The following ATRN variants were observed in gnomAD, a reference collection of about 807,000 sequenced individuals.
The protein encoded by ATRN is attractin-2.
A neutral mutation model predicts 178.7 loss-of-function variants in ATRN; 54 were observed. The ratio of observed to expected loss-of-function variants is 0.30; its 90% CI spans 0.24 to 0.38. ATRN has a LOEUF of 0.38. ATRN is among the 10% of genes least tolerant of loss of function. ATRN has a pLI of 1.00. For missense variants in ATRN, 1,443 were observed against 1,815.1 expected (o/e 0.79, Z 3.73); for synonymous variants, 636 against 663.0 (o/e 0.96, Z 0.63).
At chr20:3,476,146 A>C (rs1050312223) in intron 1 of ATRN, among the ~76,000 whole-genome samples, 1 of 152,216 alleles carries the variant, frequency 6.6e-6, no homozygotes, top group African/African-American at 2.4e-5. Flanking sequence ...CCCTTGTCAC[A>C]AAAAAACAAA....
At chr20:3,533,024 A>T (rs1447289472) in intron 1 of ATRN, among the ~76,000 whole-genome samples, 1 of 152,088 alleles carries the variant, frequency 6.6e-6, no homozygotes, top group Admixed American at 6.5e-5. Flanking sequence ...GGCCTCCCAA[A>T]GTGCTGGGAT....
chr20:3,512,096 TA>T (rs1353524200), intron 1 of ATRN, among the ~76,000 whole-genome samples: 1 of 126,596 alleles, frequency 7.9e-6, no homozygotes, highest in African/African-American at 3.5e-5. Context: ...TATATATATA[TA>T]TATATATATA....
chr20:3,611,558 A>C (rs541126079), intron 24 of ATRN, among the ~76,000 whole-genome samples: 1 of 152,316 alleles, frequency 6.6e-6, no homozygotes, highest in South Asian at 2.1e-4. Flanking sequence ...CCTAGCCAAC[A>C]TGGCAAAACC....
intron 26 of ATRN, among the ~76,000 whole-genome samples, chr20:3,635,463 A>G (rs948918925): frequency 2.6e-5 from 4 of 152,214 alleles, no homozygotes; most frequent in Admixed American, 6.5e-5. Flanking sequence ...TTTCACTTGC[A>G]TCATTACTTT....
Position 3,575,872 on chromosome 20 carries a change from G to A in ATRN, c.2138G>A (p.Cys713Tyr), listed in dbSNP as rs1397146841. 1 of 1,613,958 alleles carries A rather than the reference G, an allele frequency of 6.2e-7. No individual in the cohort carries two copies. Among genetic ancestry groups the A allele is most frequent in the Admixed American group, 1.7e-5 (1 of 60,006 alleles). ...GACCAGCACACAGATTGTTACAGCT[G>A]CACAGCCAACACCAATGACTGCCAC... ...RCDQHTDCYS[C>Y]TANTNDCHWC... The change falls in exon 13 of 29, where the codon TGC (cysteine) becomes TAC (tyrosine). Residue 713 changes from cysteine (C) to tyrosine (Y), a missense_variant. By Grantham distance (194) the Cys-to-Tyr change is radical (BLOSUM62 -2). Coordinates refer to ENST00000262919, the MANE Select transcript of ATRN (RefSeq NM_139321.3).
At chr20:3,584,281 G>A (rs1166053268) in intron 17 of ATRN, among the ~76,000 whole-genome samples, 198 bp downstream of exon 17, 2 of 152,154 alleles carry the variant, frequency 1.3e-5, no homozygotes, top group African/African-American at 4.8e-5. Flanking sequence ...CACATTGACA[G>A]TAAATAAATG....
intron 6 of ATRN, among the ~76,000 whole-genome samples, chr20:3,556,951 C>G (rs995535725): frequency 2.0e-5 from 3 of 152,288 alleles, no homozygotes; most frequent in African/African-American, 7.2e-5. Context: ...CATTAAGAGA[C>G]AGATTGGGCA....
In ATRN at chr20:3,545,414, G is replaced by A. The variant is rs541203471; in HGVS notation, c.609-348G>A. Among the ~76,000 whole-genome samples the A allele has an allele frequency of 2.7e-5, 4 of 150,864 alleles. No individual in the cohort carries two copies. The South Asian group carries it at 8.4e-4, about 32-fold the overall frequency. ...AACCTCATGTCTTTCAGCAATATAT[G>A]TGTGGTATTCATCACTCATAAAATT... On this transcript the variant is annotated intron_variant, in intron 3 of 28. Coordinates refer to ENST00000262919, the MANE Select transcript of ATRN (RefSeq NM_139321.3).
At chr20:3,603,970 C>T (rs1033818712) in intron 23 of ATRN, 135 bp from the exon 24 acceptor site, 43 of 640,604 alleles carry the variant, frequency 6.7e-5, no homozygotes, top group Non-Finnish European at 1.0e-4. Context: ...TGAGATTGAG[C>T]TCTTAAAGGC....
Position 3,471,172 on chromosome 20 carries a change from T to C in ATRN, c.65T>C (p.Leu22Pro). Reference sequence around the variant, plus strand: ...AGGAGGACGGCGGCGACGGCAGCGCTCGCGGGCAGGAGCGGCGGGCCGCAC... The same window carrying C: ...AGGAGGACGGCGGCGACGGCAGCGCCCGCGGGCAGGAGCGGCGGGCCGCAC... ...LRRRTAATAALAGRSGGPHWD... is the reference protein window; with the variant it reads ...LRRRTAATAAPAGRSGGPHWD... The change falls in exon 1 of 29, where the codon CTC becomes CCC. Residue 22 changes from leucine (L) to proline (P), a missense_variant. By Grantham distance (98) the Leu-to-Pro change is moderately conservative (BLOSUM62 -3). Transcript: ENST00000262919. The C allele has an allele frequency of 6.7e-7, 1 of 1,503,734 alleles. No homozygotes were observed. The highest frequency in any genetic ancestry group is 8.8e-7 in the Non-Finnish European group (1 of 1,133,242). 93.1% of individuals were successfully genotyped at this position (1,503,734 alleles called of 1,614,324 possible).
At chr20:3,634,231 T>C (rs1289649016) in intron 25 of ATRN, 80 bp from the exon 26 acceptor site, 2 of 1,350,258 alleles carry the variant, frequency 1.5e-6, no homozygotes, top group Non-Finnish European at 2.1e-6. Flanking sequence ...CTGTTTTCAC[T>C]GCCTGGCCTG....
chr20:3,626,369 C>A (rs1256271258), intron 25 of ATRN, among the ~76,000 whole-genome samples: 1 of 150,848 alleles, frequency 6.6e-6, no homozygotes, highest in African/African-American at 2.5e-5. Flanking sequence ...ATAATTCCCA[C>A]TCTTTGTATG....
At chr20:3,595,481 A>G (rs980934641) in intron 20 of ATRN, among the ~76,000 whole-genome samples, 12 of 152,174 alleles carry the variant, frequency 7.9e-5, no homozygotes, top group African/African-American at 2.9e-4. Context: ...TTTAGTTTAT[A>G]TCTGCATATA....
At chr20:3,515,127 C>G (rs549772576) in intron 1 of ATRN, among the ~76,000 whole-genome samples, 1 of 151,958 alleles carries the variant, frequency 6.6e-6, no homozygotes, top group Non-Finnish European at 1.5e-5. Context: ...TTGTAATGAA[C>G]GTCTAAAACA....
chr20:3,514,110 T>C (rs1432534418), intron 1 of ATRN, among the ~76,000 whole-genome samples: 1 of 152,206 alleles, frequency 6.6e-6, no homozygotes, highest in Non-Finnish European at 1.5e-5. Context: ...TCGCTCATGC[T>C]GGGAGCTGTA....
chr20:3,516,799 C>T (rs1054984749), intron 1 of ATRN, among the ~76,000 whole-genome samples: 1 of 152,002 alleles, frequency 6.6e-6, no homozygotes, highest in African/African-American at 2.4e-5. Flanking sequence ...ACCCATGTCC[C>T]TGCAAAGGAC....
chr20:3,498,185 A>T (rs887751007), intron 1 of ATRN, among the ~76,000 whole-genome samples: 2 of 152,210 alleles, frequency 1.3e-5, no homozygotes, highest in African/African-American at 4.8e-5. Flanking sequence ...TTGTGGCAAT[A>T]ATCAATAGCT....
intron 6 of ATRN, among the ~76,000 whole-genome samples, chr20:3,552,958 A>G (rs117390382): frequency 0.038 from 5,812 of 152,178 alleles, 147 homozygotes; most frequent in Non-Finnish European, 0.056. Context: ...ATGATATCCT[A>G]TCATCTTCGC....
intron 27 of ATRN, among the ~76,000 whole-genome samples, chr20:3,643,917 C>T (rs1327497939): frequency 1.3e-5 from 2 of 152,188 alleles, no homozygotes; most frequent in East Asian, 3.8e-4. Context: ...TCAAGCAGCC[C>T]TCTGGAAGGG....
Sources: gnomAD v4.1 joint callset for allele counts (sites outside exome capture counted in the v4.1 genomes callset) on GRCh38, gnomAD v4.1.1 for gene constraint, MANE v1.5 for transcripts, NCBI Gene and HGNC (gene_info 2026-07-23, HGNC 2026-07-21) for gene names.